The following FAM120C variants were observed in gnomAD, a reference collection of about 807,000 sequenced individuals.
The protein encoded by FAM120C is constitutive coactivator of PPAR-gamma-like protein 2.
A neutral mutation model predicts 71.2 loss-of-function variants in FAM120C; 14 were observed. That is an observed-to-expected ratio of 0.20 (90% CI 0.13 to 0.31). The LOEUF (loss-of-function observed/expected upper bound fraction) is 0.31. Among genes scored for constraint, FAM120C ranks in the 10% least tolerant of loss-of-function variants. FAM120C has a pLI of 1.00. For missense variants in FAM120C, 500 were observed against 879.0 expected, an observed-to-expected ratio of 0.57 and a Z score of 5.45; for synonymous variants, 354 against 353.2, an observed-to-expected ratio of 1.00 and a Z score of -0.03.
intron 10 of FAM120C, among the ~76,000 whole-genome samples, chrX:54,106,387 T>C (rs1468347903): frequency 8.9e-6 from 1 of 111,941 alleles, no homozygotes; most frequent in Non-Finnish European, 1.9e-5. Context: ...ATCCCTTCCA[T>C]ATACCTTATG....
chrX:54,137,067 C>T (rs1467606998), intron 4 of FAM120C, among the ~76,000 whole-genome samples: 1 of 110,437 alleles, frequency 9.1e-6, no homozygotes, highest in Non-Finnish European at 1.9e-5. Flanking sequence ...ATTCTCCTGC[C>T]TCAGCCTCCC....
At chrX:54,125,196 G>A (rs1284427780) in intron 9 of FAM120C, among the ~76,000 whole-genome samples, 16 of 98,707 alleles carry the variant, frequency 1.6e-4, no homozygotes, top group South Asian at 9.8e-4. Context: ...GTAATAGAGC[G>A]AGACTCTGTC....
chrX:54,137,962 T>C (rs2067102634), intron 4 of FAM120C, among the ~76,000 whole-genome samples: 1 of 111,639 alleles, frequency 9.0e-6, no homozygotes, highest in Non-Finnish European at 1.9e-5. Context: ...AGTTAAATAC[T>C]ACCCAAGAGA....
chrX:54,164,994 C>A (rs1471517417), intron 1 of FAM120C, among the ~76,000 whole-genome samples: 1 of 111,302 alleles, frequency 9.0e-6, no homozygotes, highest in African/African-American at 3.3e-5. Flanking sequence ...TTTTGATTTG[C>A]ATTTCTTGGA....
chrX:54,073,479 G>T (rs1452577731), intron 15 of FAM120C, among the ~76,000 whole-genome samples, 192 bp from the exon 16 acceptor site: 1 of 109,368 alleles, frequency 9.1e-6, no homozygotes, highest in Admixed American at 9.8e-5. Flanking sequence ...CGCCCAGGCT[G>T]GGGTGTAGTC....
At position 54,146,073 on chromosome X, in the gene FAM120C, C is replaced by T. The variant is rs782731515; in HGVS notation, c.1158+5172G>A. ...ATCGCAAGGACAGAAAACCATACAC[C>T]ACATGTTCTCACTAATAGGTGGGAA... On this transcript the variant is annotated intron_variant, in intron 4 of 15. Transcript: ENST00000375180. Among the ~76,000 whole-genome samples, 407 of 110,057 alleles carry T rather than the reference C, an allele frequency of 3.7e-3. 3 individuals carry two copies. Among genetic ancestry groups the T allele is most frequent in the African/African-American group, 0.013 (396 of 30,288 alleles).
intron 13 of FAM120C, among the ~76,000 whole-genome samples, chrX:54,084,866 A>ATG (rs782508181): frequency 2.3e-4 from 26 of 110,924 alleles, no homozygotes; most frequent in South Asian, 7.4e-4. Context: ...GTGTGTACAT[A>ATG]TGTGTGTGTG....
At chrX:54,157,182 T>A (rs781871013) in intron 3 of FAM120C, among the ~76,000 whole-genome samples, 1 of 112,219 alleles carries the variant, frequency 8.9e-6, no homozygotes, top group East Asian at 2.8e-4. Context: ...CATTATTGGG[T>A]TATCGGTATA....
chrX:54,165,235 T>A (rs1478650581), intron 1 of FAM120C, among the ~76,000 whole-genome samples: 1 of 111,768 alleles, frequency 8.9e-6, no homozygotes, highest in Non-Finnish European at 1.9e-5. Flanking sequence ...TGTCTTTCGA[T>A]GGTTGCTTTG....
At chrX:54,175,432 T>C (rs1033415608) in intron 1 of FAM120C, among the ~76,000 whole-genome samples, 3 of 110,812 alleles carry the variant, frequency 2.7e-5, no homozygotes, top group African/African-American at 6.6e-5. Flanking sequence ...AGGCATGCCA[T>C]GGCATGCCAT....
intron 10 of FAM120C, among the ~76,000 whole-genome samples, chrX:54,105,724 A>C (rs1275910715): frequency 1.8e-5 from 2 of 112,083 alleles, no homozygotes; most frequent in African/African-American, 6.5e-5. Context: ...TCAGGATACA[A>C]AATCAATGTG....
At position 54,157,694 on chromosome X, in the gene FAM120C, G is replaced by A; in HGVS notation, c.1024C>T (p.Leu342Phe). 8.3e-7 allele frequency: 1 copy of A among 1,201,413 alleles called. No homozygotes were observed. Among genetic ancestry groups the A allele is most frequent in the East Asian group, 3.0e-5 (1 of 33,764 alleles). The change falls in exon 3 of 16, where the codon CTT becomes TTT. Residue 342 changes from leucine to phenylalanine, a missense_variant. By Grantham distance (22) the Leu-to-Phe change is conservative. Around this residue, in one of 11 missense-constraint regions of FAM120C, gnomAD observed 55 missense variants for 96.7 expected, o/e 0.57. Transcript: ENST00000375180. ...LLGPEHPLAS[L>F]KVRAHQLVLP... ...CAAGAAATAGGAAACATTACCTTAA[G>A]TGATGCAAGAGGATGTTCTGGTCCC...
Position 54,177,429 on chromosome X carries a change from T to C in FAM120C, c.699+5071A>G, listed in dbSNP as rs916472305. Reference sequence around the variant, plus strand: ...CTGGACTCAGGAGACATTTCTGACGTAGAACTCAAAGGATCCGATGACCAA... The same window carrying C: ...CTGGACTCAGGAGACATTTCTGACGCAGAACTCAAAGGATCCGATGACCAA... On this transcript the variant is annotated intron_variant, in intron 1 of 15. Transcript: ENST00000375180. 5.4e-5 allele frequency among the ~76,000 whole-genome samples: 6 copies of C among 111,043 alleles called. No individual in the cohort carries two copies. The East Asian group carries it at 1.7e-3, about 31-fold the overall frequency.
At chrX:54,092,132 C>A (rs781889249) in intron 10 of FAM120C, among the ~76,000 whole-genome samples, 1 of 111,668 alleles carries the variant, frequency 9.0e-6, no homozygotes, top group Admixed American at 9.6e-5. Context: ...TAGCTATGGA[C>A]AAATTATTTA....
chrX:54,140,022 G>A (rs1435033664), intron 4 of FAM120C, among the ~76,000 whole-genome samples: 4 of 111,162 alleles, frequency 3.6e-5, no homozygotes, highest in African/African-American at 9.8e-5. Flanking sequence ...GGCCGGGCAC[G>A]GTGGCTCATA....
At chrX:54,131,800 C>T (rs1281203457) in intron 9 of FAM120C, among the ~76,000 whole-genome samples, 8 of 104,536 alleles carry the variant, frequency 7.7e-5, no homozygotes, top group Admixed American at 7.1e-4. Context: ...CTGGCTCTGT[C>T]GCCCAGGCTG....
chrX:54,148,405 G>C (rs1557132632), intron 4 of FAM120C, among the ~76,000 whole-genome samples: 1 of 111,889 alleles, frequency 8.9e-6, no homozygotes, highest in African/African-American at 3.2e-5. Context: ...CCAGCACTTT[G>C]GGAGGCCGAG....
intron 1 of FAM120C, among the ~76,000 whole-genome samples, chrX:54,181,936 T>C (rs2067352274): frequency 8.9e-6 from 1 of 112,423 alleles, no homozygotes; most frequent in South Asian, 3.6e-4. Flanking sequence ...GGTTTTTATG[T>C]GTTTAGGCTA....
At chrX:54,140,250 C>G (rs1299523204) in intron 4 of FAM120C, among the ~76,000 whole-genome samples, 1 of 101,255 alleles carries the variant, frequency 9.9e-6, no homozygotes, top group African/African-American at 3.7e-5. Context: ...GAGCTGAGAT[C>G]GCACCATTGC....
Sources: allele counts gnomAD v4.1 joint callset (sites outside exome capture counted in the v4.1 genomes callset), GRCh38; gene constraint gnomAD v4.1.1; regional missense constraint gnomAD v4.1.1; transcripts MANE v1.5; gene names NCBI Gene and HGNC (gene_info 2026-07-23, HGNC 2026-07-21).